Variants in ANKS1B observed in about 807,000 individuals in gnomAD.
ANKS1B encodes the protein ankyrin repeat and sterile alpha motif domain-containing protein 1B.
Under a neutral mutation model 148.3 loss-of-function variants are expected in ANKS1B, and 36 were observed. The observed-to-expected ratio is 0.24, with a 90% CI of 0.19 to 0.32. The LOEUF (loss-of-function observed/expected upper bound fraction) is 0.32, where lower values mean the gene tolerates loss of function less well. Among genes scored for constraint, ANKS1B ranks in the 10% least tolerant of loss-of-function variants. ANKS1B has a pLI of 1.00. For missense variants in ANKS1B, 1,157 were observed against 1,542.6 expected (o/e 0.75, Z 4.19); for synonymous variants, 542 against 560.8 (o/e 0.97, Z 0.47).
At chr12:98,897,518 A>T (rs1229494191) in intron 17 of ANKS1B, among the ~76,000 whole-genome samples, 4 of 152,220 alleles carry the variant, frequency 2.6e-5, no homozygotes, top group Admixed American at 2.6e-4. Flanking sequence ...GCACAATGAG[A>T]TAGTCTCACA....
chr12:99,957,155 G>A (rs1320104297), intron 1 of ANKS1B, among the ~76,000 whole-genome samples: 5 of 152,144 alleles, frequency 3.3e-5, no homozygotes, highest in African/African-American at 9.7e-5. Flanking sequence ...ATAAGGAGAC[G>A]ATATATCTAT....
At chr12:99,952,098 T>C (rs2095235576) in intron 1 of ANKS1B, among the ~76,000 whole-genome samples, 1 of 152,122 alleles carries the variant, frequency 6.6e-6, no homozygotes, top group Non-Finnish European at 1.5e-5. Context: ...GAAGAAAAAA[T>C]GTGCTTTTTA....
chr12:99,498,731 G>A (rs1453435892), intron 10 of ANKS1B, among the ~76,000 whole-genome samples: 1 of 152,058 alleles, frequency 6.6e-6, no homozygotes, highest in Non-Finnish European at 1.5e-5. Flanking sequence ...GAACTATAGG[G>A]TATTTACCCA....
At chr12:99,459,068 C>G (rs905316904) in intron 10 of ANKS1B, among the ~76,000 whole-genome samples, 4 of 152,070 alleles carry the variant, frequency 2.6e-5, no homozygotes, top group Non-Finnish European at 2.9e-5. Flanking sequence ...CCACCATGAT[C>G]AACTGGGTTT....
intron 1 of ANKS1B, among the ~76,000 whole-genome samples, chr12:99,856,339 T>C (rs564382037): frequency 2.0e-5 from 3 of 151,978 alleles, no homozygotes; most frequent in African/African-American, 7.2e-5. Flanking sequence ...CCTGGAAATA[T>C]ACAGCCCTCC....
chr12:99,944,569 C>T (rs2095008349), intron 1 of ANKS1B, among the ~76,000 whole-genome samples: 2 of 152,112 alleles, frequency 1.3e-5, no homozygotes, highest in South Asian at 4.1e-4. Flanking sequence ...AAATGAATGT[C>T]ACTTGTAATG....
intron 1 of ANKS1B, among the ~76,000 whole-genome samples, chr12:99,929,697 G>C (rs1429656337): frequency 6.6e-6 from 1 of 152,186 alleles, no homozygotes; most frequent in East Asian, 1.9e-4. Context: ...AAGGGATCCA[G>C]TTTCAGCCTT....
intron 8 of ANKS1B, among the ~76,000 whole-genome samples, chr12:99,703,537 A>T (rs1022759624): frequency 6.6e-6 from 1 of 151,982 alleles, no homozygotes; most frequent in Non-Finnish European, 1.5e-5. Flanking sequence ...GTATCTTTAC[A>T]TATGGTATTT....
chr12:99,450,128 C>T (rs1231852148), intron 10 of ANKS1B, among the ~76,000 whole-genome samples: 1 of 152,062 alleles, frequency 6.6e-6, no homozygotes, highest in Non-Finnish European at 1.5e-5. Flanking sequence ...TTGGCAGACT[C>T]GAAGTCAAGA....
chr12:99,513,629 C>T (rs547150083), intron 9 of ANKS1B, among the ~76,000 whole-genome samples: 2 of 152,098 alleles, frequency 1.3e-5, no homozygotes, highest in African/African-American at 4.8e-5. Context: ...CTAAAAGAAC[C>T]TGGGATATGG....
intron 9 of ANKS1B, among the ~76,000 whole-genome samples, chr12:99,567,123 G>A (rs1190361601): frequency 6.6e-6 from 1 of 152,100 alleles, no homozygotes; most frequent in East Asian, 1.9e-4. Context: ...TCTAGAGCTT[G>A]GGGTTCTCTC....
intron 17 of ANKS1B, among the ~76,000 whole-genome samples, chr12:98,984,109 T>C (rs1365382260): frequency 6.6e-6 from 1 of 152,192 alleles, no homozygotes; most frequent in African/African-American, 2.4e-5. Context: ...TGACAAGTCT[T>C]TTGAGATAAT....
intron 1 of ANKS1B, among the ~76,000 whole-genome samples, chr12:99,886,016 T>A (rs1194596918): frequency 6.6e-6 from 1 of 152,174 alleles, no homozygotes; most frequent in Non-Finnish European, 1.5e-5. Flanking sequence ...CTGATGGACA[T>A]TTAGGTTGGT....
intron 12 of ANKS1B, among the ~76,000 whole-genome samples, chr12:99,255,998 G>A (rs1376372900): frequency 2.0e-5 from 3 of 152,110 alleles, no homozygotes; most frequent in Non-Finnish European, 4.4e-5. Context: ...AGTGAGGTGT[G>A]TTGAAACCTA....
chr12:99,112,471 A>G (rs1278371548), intron 15 of ANKS1B, among the ~76,000 whole-genome samples: 1 of 151,058 alleles, frequency 6.6e-6, no homozygotes, highest in Non-Finnish European at 1.5e-5. Flanking sequence ...ACTGATCAAC[A>G]TCTTGTCTTT....
chr12:99,646,439 C>A (rs1007790630), intron 9 of ANKS1B, among the ~76,000 whole-genome samples: 2 of 151,930 alleles, frequency 1.3e-5, no homozygotes, highest in African/African-American at 4.8e-5. Flanking sequence ...GGGCGAATCA[C>A]GAGGTCAGGA....
intron 9 of ANKS1B, among the ~76,000 whole-genome samples, chr12:99,512,436 C>T (rs150614178): frequency 1.1e-3 from 169 of 152,054 alleles, no homozygotes; most frequent in African/African-American, 3.9e-3. Context: ...AAAAGGAATG[C>T]TTTCATACTG....
At chr12:98,785,532 G>A (rs183435709) in intron 22 of ANKS1B, among the ~76,000 whole-genome samples, 2 of 152,254 alleles carry the variant, frequency 1.3e-5, no homozygotes, top group East Asian at 3.9e-4. Flanking sequence ...TCTTCAGGGA[G>A]TCTAATCTGG....
chr12:99,652,191 G>A (rs1052321699), intron 9 of ANKS1B, among the ~76,000 whole-genome samples: 7 of 151,226 alleles, frequency 4.6e-5, no homozygotes, highest in African/African-American at 1.5e-4. Flanking sequence ...TATAGTGAGA[G>A]GCTGGGTGCA....
Sources: allele counts gnomAD v4.1 joint callset (sites outside exome capture counted in the v4.1 genomes callset), GRCh38; gene constraint gnomAD v4.1.1; transcripts MANE v1.5; gene names NCBI Gene and HGNC (gene_info 2026-07-23, HGNC 2026-07-21).